FAT1: variants seen among roughly 807,000 people sequenced by gnomAD.
FAT1 encodes protocadherin Fat 1.
A neutral mutation model predicts 329.8 loss-of-function variants in FAT1; 171 were observed. That is an observed-to-expected ratio of 0.52 (90% CI 0.46 to 0.59). The LOEUF (loss-of-function observed/expected upper bound fraction) is 0.59, where lower values mean the gene tolerates loss of function less well. Among genes scored for constraint, FAT1 ranks in the 20% least tolerant of loss-of-function variants. The pLI is 0.00. For synonymous variants in FAT1, 2,233 were observed against 2,228.6 expected, an observed-to-expected ratio of 1.00 and a Z score of -0.06; for missense variants, 5,672 against 5,774.4, an observed-to-expected ratio of 0.98 and a Z score of 0.57.
intron 1 of FAT1, among the ~76,000 whole-genome samples, chr4:186,718,519 T>G (rs1197918154): frequency 6.6e-6 from 1 of 151,834 alleles, no homozygotes; most frequent in Admixed American, 6.6e-5. Flanking sequence ...ATACAAAAAT[T>G]AGCCGGGCGT....
At chr4:186,716,592 T>G (rs1745218720) in intron 1 of FAT1, among the ~76,000 whole-genome samples, 1 of 152,110 alleles carries the variant, frequency 6.6e-6, no homozygotes, top group African/African-American at 2.4e-5. Context: ...TAATTTTTTG[T>G]ATTTTTGTAG....
Position 186,606,106 on chromosome 4 carries a change from G to A in FAT1, c.10314C>T (p.Pro3438=), listed in dbSNP as rs754838144. 1.4e-5 allele frequency: 22 copies of A among 1,613,026 alleles called. 1 individual carries two copies. Among genetic ancestry groups the A allele is most frequent in the South Asian group, 7.7e-5 (7 of 90,914 alleles). ...CACTGTAGTTTCCCCTGGAGAAGAC[G>A]GGCGCGTTGTCATTGACATCGGACA... ...IDVSDVNDNA[P]VFSRGNYSVI... The change falls in exon 17 of 27, where the codon CCC becomes CCT. Residue 3438 remains proline (P), a synonymous_variant. Transcript: ENST00000441802.
At chr4:186,656,715 A>G (rs1741920512) in intron 3 of FAT1, among the ~76,000 whole-genome samples, 1 of 152,216 alleles carries the variant, frequency 6.6e-6, no homozygotes, top group Non-Finnish European at 1.5e-5. Flanking sequence ...AAGTGCATAC[A>G]TATCTGTATT....
chr4:186,714,474 C>A (rs1488761820), intron 1 of FAT1, among the ~76,000 whole-genome samples: 1 of 151,928 alleles, frequency 6.6e-6, no homozygotes, highest in Non-Finnish European at 1.5e-5. Context: ...TGTGAGTGGG[C>A]AGCAGATATG....
rs1464188839 is a variant in FAT1, at chr4:186,708,096, T to C, written c.1732A>G (p.Ile578Val). 1 of 1,614,006 alleles carries C rather than the reference T, an allele frequency of 6.2e-7. No homozygotes were observed. The highest frequency in any genetic ancestry group is 1.7e-5 in the Admixed American group (1 of 60,016). Residue 578 changes from isoleucine to valine, a missense_variant, in exon 2 of 27, where the codon ATT (isoleucine) becomes GTT (valine). Physicochemically the swap from Ile to Val is conservative, Grantham distance 29. Coordinates refer to ENST00000441802, the MANE Select transcript of FAT1 (RefSeq NM_005245.4). ...LFEKINCEGT[I>V]PRDLGVGEQI... ...TCTCCCACGCCTAGATCTCTGGGAA[T>C]TGTCCCTTCACAATTTATTTTCTCA...
At position 186,702,159 on chromosome 4, in the gene FAT1, G is replaced by A. The variant is rs370045399; in HGVS notation, c.3265+4404C>T. Among the ~76,000 whole-genome samples the A allele has an allele frequency of 4.6e-5, 7 of 152,352 alleles. No individual in the cohort carries two copies. The East Asian group carries it at 5.8e-4, about 13-fold the overall frequency. ...GGATGGTGCTCCAACACTCTCCATC[G>A]TGTGAATGCAGCCATTTTCTCTTAA... On this transcript the variant is annotated intron_variant, in intron 2 of 26. Transcript: ENST00000441802.
At chr4:186,687,059 G>A (rs967991691) in intron 2 of FAT1, among the ~76,000 whole-genome samples, 6 of 152,164 alleles carry the variant, frequency 3.9e-5, no homozygotes, top group Admixed American at 6.5e-5. Flanking sequence ...TACAAGAGAC[G>A]CTTTTTAAAC....
chr4:186,707,094 C>T lies in FAT1; in HGVS notation c.2734G>A (p.Val912Ile), dbSNP rs200097846. The change falls in exon 2 of 27, where the codon GTT becomes ATT. Residue 912 changes from valine to isoleucine, a missense_variant. By Grantham distance (29) the Val-to-Ile change is conservative (BLOSUM62 3). Transcript: ENST00000441802. ...REEPQLFSTV[V>I]VKVSLEDVND... Reference sequence around the variant, plus strand: ...ACATCTTCTAGTGATACTTTCACAACGACAGTGGAGAACAGCTGAGGCTCT... The same window carrying T: ...ACATCTTCTAGTGATACTTTCACAATGACAGTGGAGAACAGCTGAGGCTCT... 1,274 of 1,613,960 alleles carry T rather than the reference C, an allele frequency of 7.9e-4. 2 individuals are homozygous for T. The highest frequency in any genetic ancestry group is 1.0e-3 in the Non-Finnish European group (1,206 of 1,179,882).
Position 186,618,364 on chromosome 4 carries a change from T to C in FAT1, c.8222A>G (p.Asn2741Ser), listed in dbSNP as rs2126494182. ...CTCATCCCTATTGCTTTCTGGAGTA[T>C]TCCCTTTGACCAGGCTGTAAAGAAC... ...GTVLYSLVKG[N>S]TPESNRDESF... The change falls in exon 10 of 27, where the codon AAT becomes AGT. Residue 2741 changes from asparagine to serine, a missense_variant. Asn to Ser is a conservative substitution (Grantham distance 46). Around this residue, in one of 2 missense-constraint regions of FAT1, gnomAD observed 3,966 missense variants for 3,915.2 expected, o/e 1.01. Coordinates refer to ENST00000441802, the MANE Select transcript of FAT1 (RefSeq NM_005245.4). 6 of 1,614,038 alleles carry C rather than the reference T, an allele frequency of 3.7e-6. No individual in the cohort carries two copies. Among genetic ancestry groups the C allele is most frequent in the Non-Finnish European group, 5.1e-6 (6 of 1,179,894 alleles).
At chr4:186,690,556 G>T (rs999385264) in intron 2 of FAT1, among the ~76,000 whole-genome samples, 1 of 152,074 alleles carries the variant, frequency 6.6e-6, no homozygotes, top group Non-Finnish European at 1.5e-5. Context: ...ATTTAGCTAG[G>T]TGTGGTGGCT....
intron 2 of FAT1, among the ~76,000 whole-genome samples, chr4:186,683,850 G>A (rs6829679): frequency 0.025 from 3,727 of 152,100 alleles, 178 homozygotes; most frequent in African/African-American, 0.086. Context: ...AAATGTAAAA[G>A]TGGTTAAATT....
At chr4:186,602,469 G>A (rs1242466671) in intron 20 of FAT1, among the ~76,000 whole-genome samples, 3 of 152,138 alleles carry the variant, frequency 2.0e-5, no homozygotes, top group East Asian at 3.8e-4. Flanking sequence ...AATAAGTACA[G>A]CCATGCTAGA....
At chr4:186,654,786 C>T (rs1040903057) in intron 3 of FAT1, among the ~76,000 whole-genome samples, 2 of 152,016 alleles carry the variant, frequency 1.3e-5, no homozygotes, top group Non-Finnish European at 2.9e-5. Context: ...TGGTGCAGGT[C>T]TGTGATCCCA....
rs988724110 is a variant in FAT1 at position 186,685,227 on chromosome 4, T to G, written c.3265+21336A>C. Among the ~76,000 whole-genome samples, 5 of 152,306 alleles carry G rather than the reference T, an allele frequency of 3.3e-5. No homozygotes were observed. In the South Asian group the frequency reaches 8.3e-4, roughly 25 times the overall value. ...GCTCTTCTCACAGGGAAAGGAAGAA[T>G]AAGTCTTACATTTCATGAATGAATA... On this transcript the variant is annotated intron_variant, in intron 2 of 26. Transcript: ENST00000441802.
At chr4:186,713,524 C>T (rs1269195960) in intron 1 of FAT1, among the ~76,000 whole-genome samples, 1 of 152,180 alleles carries the variant, frequency 6.6e-6, no homozygotes, top group Non-Finnish European at 1.5e-5. Context: ...TACTTTCACC[C>T]CTCCCTGTAC....
At position 186,619,570 on chromosome 4, in the gene FAT1, G is replaced by A. The variant is rs377454944; in HGVS notation, c.7016C>T (p.Thr2339Ile). The A allele has an allele frequency of 6.2e-7, 1 of 1,613,936 alleles. No individual in the cohort carries two copies. Among genetic ancestry groups the A allele is most frequent in the Non-Finnish European group, 8.5e-7 (1 of 1,179,900 alleles). Residue 2339 changes from threonine (T) to isoleucine (I), a missense_variant, in exon 10 of 27, where the codon ACT (threonine) becomes ATT (isoleucine). By Grantham distance (89) the Thr-to-Ile change is moderately conservative (BLOSUM62 -1). Transcript: ENST00000441802. The stretch of plus-strand genomic sequence containing the variant: ...GGTTCTGAGTAGTGAGATGAGGCCA[G>A]TGCTGCTGTCTACATGAAAATGATC... The part of the protein sequence containing the change: ...SHDHFHVDSS[T>I]GLISLLRTLD...
intron 3 of FAT1, among the ~76,000 whole-genome samples, chr4:186,642,064 G>T (rs907162281): frequency 1.3e-5 from 2 of 151,564 alleles, no homozygotes; most frequent in African/African-American, 4.8e-5. Flanking sequence ...CTCCTTCCTG[G>T]GTCTGAAATT....
At chr4:186,691,376 T>A (rs551523173) in intron 2 of FAT1, among the ~76,000 whole-genome samples, 17 of 152,362 alleles carry the variant, frequency 1.1e-4, no homozygotes, top group East Asian at 3.9e-4. Flanking sequence ...TATCCAAGAC[T>A]TACTGTTTAT....
At chr4:186,624,488 A>T (rs969481242) in intron 9 of FAT1, among the ~76,000 whole-genome samples, 4 of 152,178 alleles carry the variant, frequency 2.6e-5, no homozygotes, top group African/African-American at 9.7e-5. Flanking sequence ...TTCTATTTCC[A>T]GGTATTAAAA....
Sources: allele counts gnomAD v4.1 joint callset (sites outside exome capture counted in the v4.1 genomes callset), GRCh38; gene constraint gnomAD v4.1.1; regional missense constraint gnomAD v4.1.1; transcripts MANE v1.5; gene names NCBI Gene and HGNC (gene_info 2026-07-23, HGNC 2026-07-21).